Variants in SNRPN observed in about 807,000 individuals in gnomAD.
SNRPN encodes small nuclear ribonucleoprotein-associated protein N.
SNRPN carries 7 observed loss-of-function variants against 25.2 expected under a neutral mutation model. That is an observed-to-expected ratio of 0.28 (90% CI 0.16 to 0.52). The LOEUF (loss-of-function observed/expected upper bound fraction) is 0.52, where lower values mean the gene tolerates loss of function less well. Among genes scored for constraint, SNRPN ranks in the 20% least tolerant of loss-of-function variants. The pLI is 0.96. For missense variants in SNRPN, 196 were observed against 322.5 expected (o/e 0.61, Z 3.00); for synonymous variants, 124 against 110.6 (o/e 1.12, Z -0.76).
chr15:24,844,771 GC>G (rs2052038401), intron 2 of SNRPN, among the ~76,000 whole-genome samples: 1 of 152,130 alleles, frequency 6.6e-6, no homozygotes, highest in Non-Finnish European at 1.5e-5. Flanking sequence ...TGATCCACCT[GC>G]CTCAGCTTCT....
chr15:24,956,121 T>C (rs945256805), intron 1 of SNRPN, among the ~76,000 whole-genome samples: 3 of 152,160 alleles, frequency 2.0e-5, no homozygotes, highest in Non-Finnish European at 2.9e-5. Context: ...CTTTAGAGGC[T>C]ATGGCATAAG....
chr15:24,839,402 T>C (rs1296525408), intron 2 of SNRPN, among the ~76,000 whole-genome samples: 2 of 152,060 alleles, frequency 1.3e-5, no homozygotes, highest in Non-Finnish European at 2.9e-5. Flanking sequence ...AATGGTAGTA[T>C]CAGCATCCAC....
At chr15:24,957,689 T>A (rs986295246) in intron 1 of SNRPN, among the ~76,000 whole-genome samples, 2 of 152,354 alleles carry the variant, frequency 1.3e-5, no homozygotes, top group Non-Finnish European at 1.5e-5. Flanking sequence ...TTGGGTAGTT[T>A]TAAAAATAGC....
chr15:24,903,750 A>T (rs148257104), intron 2 of SNRPN, among the ~76,000 whole-genome samples: 1 of 152,206 alleles, frequency 6.6e-6, no homozygotes, highest in Non-Finnish European at 1.5e-5. Flanking sequence ...AAGAAAGATC[A>T]GGGCCAAGCG....
At chr15:24,943,385 T>A (rs1038654670) in intron 3 of SNRPN, among the ~76,000 whole-genome samples, 1 of 152,120 alleles carries the variant, frequency 6.6e-6, no homozygotes, top group Non-Finnish European at 1.5e-5. Flanking sequence ...TCTTCTCTTT[T>A]TCCATCATCT....
chr15:24,918,570 A>ATGTG (rs1432163676), intron 2 of SNRPN, among the ~76,000 whole-genome samples: 2 of 56,640 alleles, frequency 3.5e-5, no homozygotes, highest in East Asian at 6.9e-4. Flanking sequence ...CATAATATAT[A>ATGTG]TGTATATATA....
At chr15:24,891,055 C>T (rs2057627459) in intron 2 of SNRPN, among the ~76,000 whole-genome samples, 1 of 152,158 alleles carries the variant, frequency 6.6e-6, no homozygotes, top group South Asian at 2.1e-4. Flanking sequence ...TGATTTCAGG[C>T]ATGCACCACC....
rs930942946 is a variant in SNRPN, at chr15:24,872,277, C to A, written c.-578-14239C>A. On this transcript the variant is annotated intron_variant, in intron 1 of 11. Transcript: ENST00000400097. ...CTGCCTCCTGGGTTCAAGTGATTCTCCTGCCTCAGCCTCCCAAGAGGCTAG... is the reference window on the plus strand; with the variant it reads ...CTGCCTCCTGGGTTCAAGTGATTCTACTGCCTCAGCCTCCCAAGAGGCTAG... 6.0e-5 allele frequency among the ~76,000 whole-genome samples: 7 copies of A among 117,008 alleles called. 2 individuals carry two copies. Among genetic ancestry groups the A allele is most frequent in the Admixed American group, 1.9e-4 (2 of 10,386 alleles). The allele number at this position is 117,008 out of a possible 152,430, so 76.8% of individuals were successfully genotyped here.
intron 1 of SNRPN, among the ~76,000 whole-genome samples, chr15:24,876,931 T>C (rs1411198079): frequency 6.6e-6 from 1 of 152,206 alleles, no homozygotes; most frequent in Non-Finnish European, 1.5e-5. Context: ...GCTAGATTTT[T>C]AAGATATTTA....
At chr15:24,964,827 G>T (rs1255767954) in intron 2 of SNRPN, among the ~76,000 whole-genome samples, 2 of 152,094 alleles carry the variant, frequency 1.3e-5, no homozygotes, top group Non-Finnish European at 2.9e-5. Flanking sequence ...TCCTCATCTT[G>T]TTGTGGGATG....
rs1212998102 is a variant in SNRPN, at chr15:24,872,316, T to C, written c.-578-14200T>C. On this transcript the variant is annotated intron_variant, in intron 1 of 11. Coordinates refer to the SNRPN transcript ENST00000400097. ...CCAAGAGGCTAGGATTACAGGTGCC[T>C]GCCACCACACTAGGCTAATTTTGTA... is the stretch of plus-strand genomic sequence containing the variant. 7.7e-5 allele frequency among the ~76,000 whole-genome samples: 9 copies of C among 117,590 alleles called. 4 individuals are homozygous for C. The highest frequency in any genetic ancestry group is 6.2e-4 in the South Asian group (2 of 3,238). 77.1% of individuals were successfully genotyped at this position (117,590 alleles called of 152,430 possible).
intron 1 of SNRPN, among the ~76,000 whole-genome samples, chr15:24,882,635 A>C (rs566008130): frequency 1.3e-5 from 2 of 151,734 alleles, no homozygotes; most frequent in East Asian, 3.9e-4. Flanking sequence ...GACCAGCCTG[A>C]CCAACATGGT....
intron 3 of SNRPN, among the ~76,000 whole-genome samples, chr15:24,934,584 G>T (rs1300415071): frequency 6.6e-6 from 1 of 152,076 alleles, no homozygotes; most frequent in Non-Finnish European, 1.5e-5. Context: ...TTTGAAATGG[G>T]GTTTCACTCT....
At chr15:24,870,785 A>G (rs1269796817) in intron 1 of SNRPN, among the ~76,000 whole-genome samples, 1 of 151,802 alleles carries the variant, frequency 6.6e-6, no homozygotes, top group African/African-American at 2.4e-5. Context: ...GTATTCCTCT[A>G]TGGGATCCCT....
chr15:24,875,020 T>G (rs2055715153), intron 1 of SNRPN, among the ~76,000 whole-genome samples: 1 of 152,212 alleles, frequency 6.6e-6, no homozygotes. Context: ...TAAGATGTAT[T>G]TGTCCTATAG....
chr15:24,968,315 T>C (rs1316330884), intron 3 of SNRPN: 5 of 322,986 alleles, frequency 1.5e-5, no homozygotes, highest in Admixed American at 4.7e-5. Context: ...TAGTTTTCTT[T>C]TGCGTTTTTT....
intron 1 of SNRPN, among the ~76,000 whole-genome samples, chr15:24,961,349 G>C (rs1345107683): frequency 6.6e-6 from 1 of 152,154 alleles, no homozygotes; most frequent in African/African-American, 2.4e-5. Flanking sequence ...CTTTTGGCAT[G>C]TATCTTTGAA....
intron 2 of SNRPN, among the ~76,000 whole-genome samples, chr15:24,911,865 T>A (rs1413173850): frequency 6.6e-6 from 1 of 152,108 alleles, no homozygotes; most frequent in African/African-American, 2.4e-5. Context: ...CACCCCTGAG[T>A]TCCTAGACCC....
chr15:24,923,876 CGTGTATGTGTGTGTGTGT>C (rs1460041780), intron 3 of SNRPN, among the ~76,000 whole-genome samples: 3 of 107,052 alleles, frequency 2.8e-5, no homozygotes, highest in African/African-American at 7.5e-5. Context: ...TTTTTAGTGC[CGTGTATGTGTGTGTGTGT>C]GTGTGTGTGT....
Sources: gnomAD v4.1 joint callset for allele counts (sites outside exome capture counted in the v4.1 genomes callset) on GRCh38, gnomAD v4.1.1 for gene constraint, MANE v1.5 for transcripts, NCBI Gene and HGNC (gene_info 2026-07-23, HGNC 2026-07-21) for gene names.